SNTG1: variants seen among roughly 807,000 people sequenced by gnomAD.
The protein encoded by SNTG1 is gamma-1-syntrophin.
SNTG1 carries 39 observed loss-of-function variants against 74.7 expected under a neutral mutation model. That is an observed-to-expected ratio of 0.52 (90% CI 0.40 to 0.68). The LOEUF is 0.68. Ranked by LOEUF, SNTG1 falls within the 30% of genes least tolerant of loss-of-function variation. SNTG1 has a pLI of 0.00. For synonymous variants in SNTG1, 254 were observed against 217.1 expected (o/e 1.17, Z -1.49); for missense variants, 685 against 609.5 (o/e 1.12, Z -1.30).
chr8:50,002,024 C>T (rs181120870), intron 1 of SNTG1, among the ~76,000 whole-genome samples: 97 of 152,168 alleles, frequency 6.4e-4, no homozygotes, highest in East Asian at 1.7e-3. Context: ...TGTTTCTGAG[C>T]GGCACTTCAC....
At chr8:50,361,216 T>A (rs1196081691) in intron 2 of SNTG1, among the ~76,000 whole-genome samples, 1 of 152,132 alleles carries the variant, frequency 6.6e-6, no homozygotes, top group Non-Finnish European at 1.5e-5. Context: ...AGGGTCAGAA[T>A]CATCAATATC....
chr8:50,077,615 T>G (rs1320991194), intron 1 of SNTG1, among the ~76,000 whole-genome samples: 2 of 152,174 alleles, frequency 1.3e-5, no homozygotes, highest in African/African-American at 2.4e-5. Flanking sequence ...TTGCAACAGA[T>G]AAGTTGTAAT....
intron 2 of SNTG1, among the ~76,000 whole-genome samples, chr8:50,246,905 T>C (rs1183096525): frequency 6.6e-6 from 1 of 152,194 alleles, no homozygotes; most frequent in African/African-American, 2.4e-5. Flanking sequence ...ATTGAAACAC[T>C]GAAGCCACTG....
intron 2 of SNTG1, among the ~76,000 whole-genome samples, chr8:50,333,914 G>A (rs2091052923): frequency 6.6e-6 from 1 of 152,154 alleles, no homozygotes; most frequent in Non-Finnish European, 1.5e-5. Context: ...GTGCCACATG[G>A]ATGCATACAA....
intron 17 of SNTG1, among the ~76,000 whole-genome samples, chr8:50,739,977 A>G (rs1341901416): frequency 6.6e-6 from 1 of 152,066 alleles, no homozygotes; most frequent in East Asian, 1.9e-4. Context: ...TTAACACAAG[A>G]TATATTAAAG....
At chr8:50,739,660 C>G (rs949469609) in intron 17 of SNTG1, among the ~76,000 whole-genome samples, 1 of 151,732 alleles carries the variant, frequency 6.6e-6, no homozygotes, top group Non-Finnish European at 1.5e-5. Flanking sequence ...GCATGTGTAT[C>G]CCAGAACTTA....
chr8:50,704,656 G>T lies in SNTG1; in HGVS notation c.1095G>T (p.Gly365=). The T allele has an allele frequency of 6.2e-7, 1 of 1,614,126 alleles. No homozygotes were observed. The highest frequency in any genetic ancestry group is 8.5e-7 in the Non-Finnish European group (1 of 1,180,042). ...KQCFTVQSES[G]EDLYFSVELE... is the part of the protein sequence containing the mutation. ...GCTTCACCGTGCAGTCTGAGTCTGG[G>T]GAGGACCTGTACTTCTCAGTGGAGC... Residue 365 remains glycine, a synonymous_variant, in exon 16 of 19, where the codon GGG becomes GGT. Transcript: ENST00000642720.
chr8:50,635,055 C>G (rs2095030059), intron 13 of SNTG1, among the ~76,000 whole-genome samples: 2 of 152,094 alleles, frequency 1.3e-5, no homozygotes, highest in South Asian at 2.1e-4. Context: ...TTCAACCTTT[C>G]AAAGCTTTCC....
At chr8:50,735,467 G>T (rs768115548) in intron 17 of SNTG1, among the ~76,000 whole-genome samples, 5 of 151,718 alleles carry the variant, frequency 3.3e-5, no homozygotes, top group Non-Finnish European at 7.4e-5. Flanking sequence ...CAAGAACTTC[G>T]TGAAGCATAC....
chr8:50,243,586 C>G (rs2086260189), intron 2 of SNTG1, among the ~76,000 whole-genome samples: 1 of 152,142 alleles, frequency 6.6e-6, no homozygotes, highest in Admixed American at 6.5e-5. Flanking sequence ...TCTTCAGGGA[C>G]ACAGAACTCA....
At chr8:50,651,469 G>A (rs528826999) in intron 13 of SNTG1, among the ~76,000 whole-genome samples, 2 of 151,792 alleles carry the variant, frequency 1.3e-5, no homozygotes, top group African/African-American at 2.4e-5. Flanking sequence ...GTTTTCTTTT[G>A]GGGGGTGGAT....
At chr8:50,671,798 T>C (rs539930243) in intron 15 of SNTG1, among the ~76,000 whole-genome samples, 11 of 151,988 alleles carry the variant, frequency 7.2e-5, no homozygotes, top group Admixed American at 3.3e-4. Flanking sequence ...CCAAGCCAAA[T>C]GTGCAACAAT....
intron 2 of SNTG1, among the ~76,000 whole-genome samples, chr8:50,343,561 T>G (rs937672983): frequency 1.3e-5 from 2 of 152,150 alleles, no homozygotes; most frequent in East Asian, 3.9e-4. Flanking sequence ...ATATTAATGA[T>G]GTATTGGATT....
At chr8:50,711,621 A>AGG (rs2095461889) in intron 17 of SNTG1, among the ~76,000 whole-genome samples, 1 of 152,160 alleles carries the variant, frequency 6.6e-6, no homozygotes, top group Non-Finnish European at 1.5e-5. Context: ...TTGGATATAG[A>AGG]GGGATGTCTG....
At chr8:50,504,853 A>G (rs2093993150) in intron 9 of SNTG1, among the ~76,000 whole-genome samples, 1 of 152,220 alleles carries the variant, frequency 6.6e-6, no homozygotes, top group South Asian at 2.1e-4. Flanking sequence ...TAAATAACAC[A>G]TAACATAAAA....
intron 2 of SNTG1, among the ~76,000 whole-genome samples, chr8:50,240,550 T>C (rs905206729): frequency 2.6e-5 from 4 of 152,322 alleles, no homozygotes; most frequent in African/African-American, 4.8e-5. Context: ...ATTTTATATA[T>C]TATGTAAAAA....
At chr8:49,986,338 C>T (rs1813150642) in intron 1 of SNTG1, among the ~76,000 whole-genome samples, 4 of 152,076 alleles carry the variant, frequency 2.6e-5, no homozygotes, top group Admixed American at 2.6e-4. Context: ...GGGTGGAGCA[C>T]TCATTATGAC....
chr8:50,098,037 T>A (rs905159541), intron 1 of SNTG1, among the ~76,000 whole-genome samples: 3 of 152,186 alleles, frequency 2.0e-5, no homozygotes, highest in Non-Finnish European at 4.4e-5. Flanking sequence ...TTCTCCAAAA[T>A]CTTATAATTG....
At chr8:50,244,380 C>T (rs2129736507) in intron 2 of SNTG1, among the ~76,000 whole-genome samples, 1 of 152,080 alleles carries the variant, frequency 6.6e-6, no homozygotes, top group Middle Eastern at 3.4e-3. Flanking sequence ...TTCTTTTTTT[C>T]ACTGTGTCAA....
Sources: gnomAD v4.1 joint callset for allele counts (sites outside exome capture counted in the v4.1 genomes callset) on GRCh38, gnomAD v4.1.1 for gene constraint, MANE v1.5 for transcripts, NCBI Gene and HGNC (gene_info 2026-07-23, HGNC 2026-07-21) for gene names.